The following AUTS2 variants were observed in gnomAD, a reference collection of about 807,000 sequenced individuals.
AUTS2 encodes activator of transcription and developmental regulator AUTS2.
AUTS2 carries 17 observed loss-of-function variants against 112.4 expected under a neutral mutation model. That is an observed-to-expected ratio of 0.15 (90% CI 0.10 to 0.23). The LOEUF is 0.23. Among genes scored for constraint, AUTS2 ranks in the 10% least tolerant of loss-of-function variants. AUTS2 has a pLI of 1.00. For synonymous variants in AUTS2, 751 were observed against 702.7 expected (o/e 1.07, Z -1.09); for missense variants, 1,510 against 1,701.6 (o/e 0.89, Z 1.98).
At chr7:69,636,618 A>G (rs898889430) in intron 1 of AUTS2, among the ~76,000 whole-genome samples, 14 of 151,990 alleles carry the variant, frequency 9.2e-5, no homozygotes, top group Non-Finnish European at 1.5e-4. Context: ...CCTTTTCTGT[A>G]TATGAGGGAA....
At chr7:70,521,067 C>T (rs1306337640) in intron 5 of AUTS2, among the ~76,000 whole-genome samples, 1 of 152,192 alleles carries the variant, frequency 6.6e-6, no homozygotes, top group East Asian at 1.9e-4. Flanking sequence ...ACTTTATCTT[C>T]TGTCTCTCCA....
chr7:70,633,908 T>G (rs1440122657), intron 5 of AUTS2, among the ~76,000 whole-genome samples: 1 of 152,160 alleles, frequency 6.6e-6, no homozygotes, highest in African/African-American at 2.4e-5. Flanking sequence ...CGGATGCTGG[T>G]GAAGGGTGAT....
chr7:70,402,989 A>C (rs1454479157), intron 4 of AUTS2, among the ~76,000 whole-genome samples: 1 of 152,164 alleles, frequency 6.6e-6, no homozygotes, highest in Non-Finnish European at 1.5e-5. Flanking sequence ...AAATAATGTT[A>C]TAGCTGGAAG....
intron 4 of AUTS2, among the ~76,000 whole-genome samples, chr7:70,371,060 G>A (rs1461849208): frequency 1.3e-5 from 2 of 152,130 alleles, no homozygotes; most frequent in Non-Finnish European, 2.9e-5. Context: ...ATTGGACGCA[G>A]CCTTTTATAG....
chr7:69,736,965 A>T (rs1340511532), intron 1 of AUTS2, among the ~76,000 whole-genome samples: 6 of 152,150 alleles, frequency 3.9e-5, no homozygotes, highest in East Asian at 1.9e-4. Context: ...TTTCACATTT[A>T]AAAAAATCCA....
chr7:70,549,203 A>T (rs1325611211), intron 5 of AUTS2, among the ~76,000 whole-genome samples: 1 of 152,164 alleles, frequency 6.6e-6, no homozygotes, highest in Admixed American at 6.5e-5. Flanking sequence ...ATTGATTTTC[A>T]TATTGGTCTT....
intron 4 of AUTS2, among the ~76,000 whole-genome samples, chr7:70,388,352 A>T (rs1251186947): frequency 6.6e-6 from 1 of 152,174 alleles, no homozygotes; most frequent in Non-Finnish European, 1.5e-5. Flanking sequence ...AACTCCTGTG[A>T]CTGCTGATAA....
At chr7:69,912,074 A>G (rs753677796) in intron 2 of AUTS2, among the ~76,000 whole-genome samples, 11 of 152,206 alleles carry the variant, frequency 7.2e-5, no homozygotes, top group Non-Finnish European at 1.5e-4. Context: ...ATGGGTGCCC[A>G]AAATCTGGAG....
In AUTS2 at chr7:70,721,837, TC is replaced by T. The variant is rs1426707750; in HGVS notation, c.742+23218del. Among the ~76,000 whole-genome samples, 11 of 152,354 alleles carry T rather than the reference TC, an allele frequency of 7.2e-5. No individual in the cohort carries two copies. The Middle Eastern group carries it at 0.01, about 141-fold the overall frequency. On this transcript the variant is annotated intron_variant, in intron 6 of 18. Transcript: ENST00000342771. The stretch of plus-strand genomic sequence containing the variant: ...CATTTTTCTACATTTGCTTTAGCTC[TC>T]TTTTTTTTAGATAAGTCATTTCAAT...
chr7:69,809,646 T>TAG, intron 1 of AUTS2, among the ~76,000 whole-genome samples: 1 of 152,096 alleles, frequency 6.6e-6, no homozygotes, highest in East Asian at 1.9e-4. Flanking sequence ...GATAAAACCC[T>TAG]AGAGAGAGAG....
intron 1 of AUTS2, among the ~76,000 whole-genome samples, chr7:69,758,470 C>A (rs147934931): frequency 6.6e-6 from 1 of 152,056 alleles, no homozygotes; most frequent in Non-Finnish European, 1.5e-5. Context: ...TCAAATGATC[C>A]GGAGTAAATA....
At chr7:69,969,283 C>T (rs1056951243) in intron 2 of AUTS2, among the ~76,000 whole-genome samples, 3 of 152,042 alleles carry the variant, frequency 2.0e-5, no homozygotes, top group South Asian at 2.1e-4. Flanking sequence ...AGAAGGAGAA[C>T]GTTAAGTTAA....
chr7:70,060,513 G>A (rs1474476647), intron 2 of AUTS2, among the ~76,000 whole-genome samples: 1 of 152,204 alleles, frequency 6.6e-6, no homozygotes, highest in Non-Finnish European at 1.5e-5. Context: ...GGAGGGGGAT[G>A]TTAAGACTTA....
intron 5 of AUTS2, among the ~76,000 whole-genome samples, chr7:70,662,121 G>A (rs190167339): frequency 1.5e-4 from 23 of 152,370 alleles, no homozygotes; most frequent in Admixed American, 9.1e-4. Context: ...AGGCAGCTGC[G>A]CTGACACAGC....
chr7:70,699,822 C>T (rs1010750112), intron 6 of AUTS2, among the ~76,000 whole-genome samples: 1 of 152,102 alleles, frequency 6.6e-6, no homozygotes, highest in Admixed American at 6.5e-5. Flanking sequence ...GCATACAGTA[C>T]TCGTGTGTAA....
At chr7:70,366,394 A>T (rs1456352889) in intron 4 of AUTS2, among the ~76,000 whole-genome samples, 1 of 152,182 alleles carries the variant, frequency 6.6e-6, no homozygotes, top group Non-Finnish European at 1.5e-5. Flanking sequence ...TGGATGAGTA[A>T]AGCTCCCCAG....
intron 5 of AUTS2, among the ~76,000 whole-genome samples, chr7:70,592,740 A>T (rs1803008889): frequency 6.6e-6 from 1 of 152,206 alleles, no homozygotes; most frequent in Non-Finnish European, 1.5e-5. Flanking sequence ...ACCCATGGTG[A>T]CCCACAGAGT....
At chr7:70,517,427 C>T (rs909325066) in intron 5 of AUTS2, among the ~76,000 whole-genome samples, 6 of 151,948 alleles carry the variant, frequency 3.9e-5, no homozygotes, top group Non-Finnish European at 7.4e-5. Flanking sequence ...TGTCTTCTAC[C>T]TCAAAATGAT....
chr7:69,656,098 A>G (rs1795520723), intron 1 of AUTS2, among the ~76,000 whole-genome samples: 1 of 152,130 alleles, frequency 6.6e-6, no homozygotes, highest in East Asian at 1.9e-4. Flanking sequence ...TCTGGATCTC[A>G]TTTCCCTGCC....
Sources: allele counts gnomAD v4.1 joint callset (sites outside exome capture counted in the v4.1 genomes callset), GRCh38; gene constraint gnomAD v4.1.1; transcripts MANE v1.5; gene names NCBI Gene and HGNC (gene_info 2026-07-23, HGNC 2026-07-21).